Variants in ATRNL1 observed in about 807,000 individuals in gnomAD.
ATRNL1 encodes attractin like 1, also known as attractin-like protein 1.
In ATRNL1, 95 loss-of-function variants were observed where a neutral mutation model predicts 182.7. The observed-to-expected ratio is 0.52, with a 90% CI of 0.44 to 0.62. The LOEUF is 0.62. Among genes scored for constraint, ATRNL1 ranks in the 20% least tolerant of loss-of-function variants. The probability of loss-of-function intolerance (pLI) is 0.00; values close to 1 mark genes in which losing one functional copy is unlikely to be tolerated. For synonymous variants in ATRNL1, 576 were observed against 568.3 expected (o/e 1.01, Z -0.19); for missense variants, 1,471 against 1,679.5 (o/e 0.88, Z 2.17).
At chr10:115,429,240 A>T (rs1231497856) in intron 21 of ATRNL1, among the ~76,000 whole-genome samples, 1 of 152,098 alleles carries the variant, frequency 6.6e-6, no homozygotes, top group African/African-American at 2.4e-5. Context: ...TAAAAATAAA[A>T]TTCGTTTTAG....
At chr10:115,769,515 T>G in intron 27 of ATRNL1, among the ~76,000 whole-genome samples, 1 of 152,156 alleles carries the variant, frequency 6.6e-6, no homozygotes, top group East Asian at 1.9e-4. Context: ...CTTTATAAAA[T>G]TATTGAAAGG....
intron 19 of ATRNL1, among the ~76,000 whole-genome samples, chr10:115,336,698 T>A (rs1855494475): frequency 2.6e-5 from 4 of 152,222 alleles, no homozygotes. Flanking sequence ...ATGTAATTAG[T>A]TCATTCTGTA....
chr10:115,223,939 T>TTTTTTTA (rs1849590830), intron 9 of ATRNL1, among the ~76,000 whole-genome samples: 1 of 111,644 alleles, frequency 9.0e-6, no homozygotes, highest in Non-Finnish European at 1.8e-5. Flanking sequence ...ATTTTTTTTT[T>TTTTTTTA]TTTTTTTTTT....
chr10:115,659,291 A>C (rs936296711), intron 26 of ATRNL1, among the ~76,000 whole-genome samples: 4 of 152,002 alleles, frequency 2.6e-5, no homozygotes, highest in Admixed American at 1.3e-4. Flanking sequence ...ACCTTCCTCA[A>C]ATTATCCTAA....
At chr10:115,440,087 A>G (rs1554965438) in intron 21 of ATRNL1, among the ~76,000 whole-genome samples, 1 of 151,780 alleles carries the variant, frequency 6.6e-6, no homozygotes, top group Non-Finnish European at 1.5e-5. Context: ...TTTATTTTGT[A>G]GCTGAAATTG....
intron 26 of ATRNL1, among the ~76,000 whole-genome samples, chr10:115,555,037 G>A (rs766347923): frequency 2.6e-4 from 40 of 151,650 alleles, no homozygotes; most frequent in Non-Finnish European, 5.0e-4. Flanking sequence ...GTGTATATGT[G>A]TTTTTATGCT....
intron 28 of ATRNL1, among the ~76,000 whole-genome samples, chr10:115,860,607 G>T (rs1252408097): frequency 6.6e-6 from 1 of 152,160 alleles, no homozygotes; most frequent in African/African-American, 2.4e-5. Flanking sequence ...GAAACACAGA[G>T]CTAGGAAGGG....
chr10:115,455,684 C>T (rs1304099891), intron 21 of ATRNL1, among the ~76,000 whole-genome samples: 1 of 152,120 alleles, frequency 6.6e-6, no homozygotes, highest in African/African-American at 2.4e-5. Flanking sequence ...AAACTATCAC[C>T]AGAGTGAACA....
chr10:115,308,477 G>A (rs1372611333), intron 17 of ATRNL1, among the ~76,000 whole-genome samples: 1 of 152,006 alleles, frequency 6.6e-6, no homozygotes, highest in Admixed American at 6.6e-5. Context: ...GTAAGTTTAT[G>A]TGTTCAATTT....
chr10:115,506,223 C>T (rs782731112), intron 24 of ATRNL1, among the ~76,000 whole-genome samples: 6 of 151,980 alleles, frequency 3.9e-5, no homozygotes, highest in Non-Finnish European at 7.4e-5. Context: ...GGCCTTGTTC[C>T]CCATAATTTG....
At chr10:115,314,153 CTTTTA>C (rs797030411) in intron 17 of ATRNL1, among the ~76,000 whole-genome samples, 3 of 152,084 alleles carry the variant, frequency 2.0e-5, no homozygotes, top group Non-Finnish European at 2.9e-5. Context: ...ACATTAGCCA[CTTTTA>C]TTTAATGACT....
chr10:115,913,770 C>T (rs1952758244), intron 28 of ATRNL1, among the ~76,000 whole-genome samples: 1 of 152,130 alleles, frequency 6.6e-6, no homozygotes, highest in African/African-American at 2.4e-5. Flanking sequence ...CAATGCGTGG[C>T]CCACAGCCTT....
At chr10:115,927,784 T>C (rs1229664609) in intron 28 of ATRNL1, among the ~76,000 whole-genome samples, 1 of 152,026 alleles carries the variant, frequency 6.6e-6, no homozygotes, top group Non-Finnish European at 1.5e-5. Flanking sequence ...ATCGTTTTAG[T>C]GCTGTTTTCA....
chr10:115,662,095 A>C (rs1186984251), intron 26 of ATRNL1, among the ~76,000 whole-genome samples: 1 of 151,980 alleles, frequency 6.6e-6, no homozygotes, highest in Non-Finnish European at 1.5e-5. Context: ...ATGTCCCTAC[A>C]AAGGACATGA....
chr10:115,226,351 A>G (rs1554898669), intron 9 of ATRNL1, among the ~76,000 whole-genome samples: 1 of 152,112 alleles, frequency 6.6e-6, no homozygotes, highest in Non-Finnish European at 1.5e-5. Context: ...GTAAAGAAAG[A>G]TTTCTTAAAT....
intron 18 of ATRNL1, among the ~76,000 whole-genome samples, chr10:115,330,751 T>C (rs1452712780): frequency 6.6e-6 from 1 of 151,662 alleles, no homozygotes; most frequent in Admixed American, 6.6e-5. Flanking sequence ...ATATATGTCT[T>C]AGGGTTATCT....
At chr10:115,227,055 A>G (rs1186461821) in intron 9 of ATRNL1, among the ~76,000 whole-genome samples, 4 of 152,312 alleles carry the variant, frequency 2.6e-5, no homozygotes, top group Admixed American at 2.0e-4. Context: ...AATTGCAACA[A>G]AAACAAAAAT....
chr10:115,145,611 T>C (rs1394895465), intron 5 of ATRNL1, among the ~76,000 whole-genome samples: 1 of 152,208 alleles, frequency 6.6e-6, no homozygotes, highest in Non-Finnish European at 1.5e-5. Context: ...CTTTGGATAC[T>C]GTAACAAAAT....
intron 17 of ATRNL1, among the ~76,000 whole-genome samples, chr10:115,306,210 A>G (rs1280275966): frequency 6.6e-6 from 1 of 152,124 alleles, no homozygotes; most frequent in Non-Finnish European, 1.5e-5. Flanking sequence ...ATCTTTAGTA[A>G]TTTCTTTCAA....
Sources: allele counts gnomAD v4.1 joint callset (sites outside exome capture counted in the v4.1 genomes callset), GRCh38; gene constraint gnomAD v4.1.1; transcripts MANE v1.5; gene names NCBI Gene and HGNC (gene_info 2026-07-23, HGNC 2026-07-21).